ERC2: variants seen among roughly 807,000 people sequenced by gnomAD.
ERC2 encodes the protein ELKS/RAB6-interacting/CAST family member 2.
A neutral mutation model predicts 114.8 loss-of-function variants in ERC2; 42 were observed. That is an observed-to-expected ratio of 0.37 (90% CI 0.29 to 0.47). The LOEUF is 0.47. ERC2 is among the 20% of genes least tolerant of loss of function. The pLI is 0.99. For synonymous variants in ERC2, 454 were observed against 425.5 expected (o/e 1.07, Z -0.82); for missense variants, 939 against 1,150.7 (o/e 0.82, Z 2.66).
At chr3:56,438,652 G>T (rs1287910663) in intron 1 of ERC2, among the ~76,000 whole-genome samples, 1 of 152,136 alleles carries the variant, frequency 6.6e-6, no homozygotes, top group Non-Finnish European at 1.5e-5. Flanking sequence ...GGTTCTAACT[G>T]GGCCACCACT....
At chr3:55,837,308 T>A (rs1312644754) in intron 14 of ERC2, among the ~76,000 whole-genome samples, 1 of 152,314 alleles carries the variant, frequency 6.6e-6, no homozygotes, top group East Asian at 1.9e-4. Flanking sequence ...TGCACATGTA[T>A]GTTTATTGCA....
intron 14 of ERC2, among the ~76,000 whole-genome samples, chr3:55,798,270 G>A (rs2149092789): frequency 6.6e-6 from 1 of 152,198 alleles, no homozygotes; most frequent in South Asian, 2.1e-4. Flanking sequence ...TAAGACCACA[G>A]AGCATTAAAG....
intron 3 of ERC2, among the ~76,000 whole-genome samples, chr3:56,224,585 A>C (rs1425689666): frequency 6.6e-6 from 1 of 152,122 alleles, no homozygotes; most frequent in African/African-American, 2.4e-5. Context: ...TAGAACTTTG[A>C]GCAACTCTGA....
At chr3:55,537,715 A>G (rs1157567232) in intron 17 of ERC2, among the ~76,000 whole-genome samples, 1 of 152,208 alleles carries the variant, frequency 6.6e-6, no homozygotes. Context: ...AAGACAAACC[A>G]GGGTAATTCT....
At chr3:56,199,526 G>C (rs2048292557) in intron 3 of ERC2, among the ~76,000 whole-genome samples, 1 of 151,774 alleles carries the variant, frequency 6.6e-6, no homozygotes, top group Non-Finnish European at 1.5e-5. Context: ...TTTTCCCCTA[G>C]AGACAGAGTG....
In ERC2 at chr3:55,790,850, T is replaced by C. The variant is rs7651104; in HGVS notation, c.2565-55932A>G. ...ATGGTAAACATTCAAGGAACCCTTG[T>C]TTCATTCCTGGTTTTCGACTCAAAG... On this transcript the variant is annotated intron_variant, in intron 14 of 17. Transcript: ENST00000288221. Among the ~76,000 whole-genome samples the C allele has an allele frequency of 6.7e-3, 1,024 of 152,334 alleles. 9 individuals are homozygous for C. Among genetic ancestry groups the C allele is most frequent in the African/African-American group, 0.023 (965 of 41,586 alleles).
chr3:56,003,172 A>G, intron 10 of ERC2: 2 of 1,279,620 alleles, frequency 1.6e-6, no homozygotes, highest in Non-Finnish European at 2.0e-6. Flanking sequence ...AGGCACAGAC[A>G]GGGAAAGAAG....
intron 17 of ERC2, among the ~76,000 whole-genome samples, chr3:55,642,123 G>T (rs577281905): frequency 1.2e-3 from 181 of 152,294 alleles, no homozygotes; most frequent in African/African-American, 4.1e-3. Flanking sequence ...TAAACAATGA[G>T]GAATGTATAG....
intron 14 of ERC2, among the ~76,000 whole-genome samples, chr3:55,736,322 C>A (rs1451011754): frequency 6.6e-6 from 1 of 152,136 alleles, no homozygotes; most frequent in Non-Finnish European, 1.5e-5. Flanking sequence ...TAGGCTCCAG[C>A]ACATTTCGTT....
chr3:56,359,918 C>T (rs1300253526), intron 2 of ERC2, among the ~76,000 whole-genome samples: 3 of 152,080 alleles, frequency 2.0e-5, no homozygotes, highest in Admixed American at 6.6e-5. Flanking sequence ...GACAGATTTG[C>T]CTCCACAATC....
At position 56,372,725 on chromosome 3, in the gene ERC2, C is replaced by T. The variant is rs190804779; in HGVS notation, c.657+61626G>A. The stretch of plus-strand genomic sequence containing the variant: ...CCTGGGTGACAGAGAGACACTCTGC[C>T]TTGAAAAAAAAGAAAGAAAAGAAAA... On this transcript the variant is annotated intron_variant, in intron 2 of 17. Transcript: ENST00000288221. Among the ~76,000 whole-genome samples, 13 of 151,900 alleles carry T rather than the reference C, an allele frequency of 8.6e-5. No homozygotes were observed. The East Asian group carries it at 2.5e-3, about 29-fold the overall frequency.
At chr3:56,136,130 G>A (rs895325486) in intron 6 of ERC2, among the ~76,000 whole-genome samples, 27 of 152,076 alleles carry the variant, frequency 1.8e-4, no homozygotes, top group Non-Finnish European at 2.6e-4. Context: ...GCCGCAAACC[G>A]AGACAGCTTG....
At chr3:55,840,111 T>C (rs372771825) in intron 14 of ERC2, among the ~76,000 whole-genome samples, 5 of 152,062 alleles carry the variant, frequency 3.3e-5, no homozygotes, top group East Asian at 1.9e-4. Context: ...TTTATATTGA[T>C]AAAGGAATCA....
intron 12 of ERC2, among the ~76,000 whole-genome samples, chr3:55,959,403 C>G (rs1184581880): frequency 6.6e-6 from 1 of 152,146 alleles, no homozygotes; most frequent in Admixed American, 6.5e-5. Context: ...AGAGCCTATT[C>G]AGGAAGACCC....
chr3:55,934,136 G>T (rs1398120778), intron 13 of ERC2, among the ~76,000 whole-genome samples: 3 of 152,142 alleles, frequency 2.0e-5, no homozygotes, highest in Non-Finnish European at 2.9e-5. Context: ...CTCAATGAGG[G>T]TATGGCTAGC....
At chr3:56,368,930 A>G (rs2150580987) in intron 2 of ERC2, among the ~76,000 whole-genome samples, 1 of 152,310 alleles carries the variant, frequency 6.6e-6, no homozygotes, top group East Asian at 1.9e-4. Context: ...TGGGTTCACA[A>G]CTACAGAAGC....
chr3:55,683,725 G>T, intron 17 of ERC2, 69 bp downstream of exon 17: 1 of 1,235,918 alleles, frequency 8.1e-7, no homozygotes, highest in South Asian at 1.3e-5. Context: ...GAGCACAATC[G>T]AGCACGCACA....
intron 13 of ERC2, among the ~76,000 whole-genome samples, chr3:55,935,195 A>G (rs942224951): frequency 6.6e-5 from 10 of 152,240 alleles, no homozygotes; most frequent in Admixed American, 1.3e-4. Flanking sequence ...AGGTAAGAAC[A>G]TGTGATTACA....
chr3:55,722,985 A>AAAAT (rs1307657410), intron 15 of ERC2, among the ~76,000 whole-genome samples: 1 of 152,244 alleles, frequency 6.6e-6, no homozygotes, highest in African/African-American at 2.4e-5. Flanking sequence ...AATCCTAAAG[A>AAAAT]AAATAACATA....
Sources: gnomAD v4.1 joint callset for allele counts (sites outside exome capture counted in the v4.1 genomes callset) on GRCh38, gnomAD v4.1.1 for gene constraint, MANE v1.5 for transcripts, NCBI Gene and HGNC (gene_info 2026-07-23, HGNC 2026-07-21) for gene names.